Variants in ZFP14 observed in about 807,000 individuals in gnomAD.
The protein encoded by ZFP14 is zinc finger protein 14 homolog.
Under a neutral mutation model 54.5 loss-of-function variants are expected in ZFP14, and 22 were observed. The observed-to-expected ratio is 0.40, with a 90% CI of 0.29 to 0.58. The LOEUF (loss-of-function observed/expected upper bound fraction) is 0.58, where lower values mean the gene tolerates loss of function less well. ZFP14 is among the 20% of genes least tolerant of loss of function. The pLI is 0.39. For missense variants in ZFP14, 470 were observed against 637.8 expected (o/e 0.74, Z 2.83); for synonymous variants, 159 against 204.0 (o/e 0.78, Z 1.88).
chr19:36,356,261 T>C (rs1000812057), intron 4 of ZFP14, among the ~76,000 whole-genome samples: 4 of 151,732 alleles, frequency 2.6e-5, no homozygotes, highest in Admixed American at 6.6e-5. Flanking sequence ...ATGGTAAAAC[T>C]CCCTCTCTAC....
At chr19:36,370,034 T>C (rs534186372) in intron 1 of ZFP14, among the ~76,000 whole-genome samples, 4 of 152,228 alleles carry the variant, frequency 2.6e-5, no homozygotes, top group Admixed American at 1.3e-4. Context: ...TCTCAGAAGA[T>C]AGCAAAATAG....
Position 36,355,406 on chromosome 19 carries a change from A to G in ZFP14, c.235+5029T>C, listed in dbSNP as rs2145551443. ...TAAGAAGAAGAAGAGGGCCAGGTGC[A>G]GTGGCTCGCGCCTGTAATCCCAGCA... On this transcript the variant is annotated intron_variant, in intron 4 of 4. Coordinates refer to ENST00000270001, the MANE Select transcript of ZFP14 (RefSeq NM_020917.3). Among the ~76,000 whole-genome samples the G allele has an allele frequency of 1.4e-5, 2 of 143,032 alleles. 1 individual carries two copies. Among genetic ancestry groups the G allele is most frequent in the Non-Finnish European group, 3.1e-5 (2 of 64,396 alleles). The allele number at this position is 143,032 out of a possible 152,430, so 93.8% of individuals were successfully genotyped here.
intron 1 of ZFP14, among the ~76,000 whole-genome samples, chr19:36,372,674 A>G (rs1237491383): frequency 2.6e-5 from 4 of 152,192 alleles, no homozygotes; most frequent in Non-Finnish European, 5.9e-5. Flanking sequence ...TAGAACTACC[A>G]TATGATCTAG....
chr19:36,349,054 C>G (rs558574478), intron 4 of ZFP14, among the ~76,000 whole-genome samples: 5 of 150,758 alleles, frequency 3.3e-5, no homozygotes, highest in Non-Finnish European at 7.4e-5. Context: ...GTGGTGAAAC[C>G]CCATCTCTAC....
rs1364453014 is a variant in ZFP14 at position 36,352,716 on chromosome 19, C to T, written c.235+7719G>A. Reference sequence around the variant, plus strand: ...CAACACTTTGGGAGGCCGAGGCGGGCGGATCACAAGGCCAGGAGATCGAGA... The same window carrying T: ...CAACACTTTGGGAGGCCGAGGCGGGTGGATCACAAGGCCAGGAGATCGAGA... On this transcript the variant is annotated intron_variant, in intron 4 of 4. Coordinates refer to ENST00000270001, the MANE Select transcript of ZFP14 (RefSeq NM_020917.3). Among the ~76,000 whole-genome samples the T allele has an allele frequency of 2.1e-5, 3 of 141,884 alleles. 1 individual carries two copies. The highest frequency in any genetic ancestry group is 7.3e-5 in the Admixed American group (1 of 13,760). 93.1% of individuals were successfully genotyped at this position (141,884 alleles called of 152,430 possible).
At chr19:36,363,355 G>A (rs1418548364) in intron 2 of ZFP14, among the ~76,000 whole-genome samples, 1 of 151,556 alleles carries the variant, frequency 6.6e-6, no homozygotes, top group Non-Finnish European at 1.5e-5. Flanking sequence ...CACCACGCCC[G>A]GCTAATTTTT....
chr19:36,365,840 G>A (rs565232616), intron 2 of ZFP14, among the ~76,000 whole-genome samples: 58 of 151,994 alleles, frequency 3.8e-4, no homozygotes, highest in African/African-American at 1.3e-3. Flanking sequence ...CGTGCCTGTA[G>A]TCCCCAGTAC....
Position 36,360,377 on chromosome 19 carries a change from T to C in ZFP14, c.235+58A>G, listed in dbSNP as rs2031690007. On this transcript the variant is annotated intron_variant, in intron 4 of 4. Transcript: ENST00000270001. ...TCTCAAGGGTGTGCCTCCACCCTAA[T>C]CAGTTTAGCTATTACCTGCAGTAGT... 16 of 1,499,232 alleles carry C rather than the reference T, an allele frequency of 1.1e-5. No individual in the cohort carries two copies. The South Asian group carries it at 2.0e-4, about 19-fold the overall frequency. The allele number at this position is 1,499,232 out of a possible 1,614,324, so 92.9% of individuals were successfully genotyped here.
chr19:36,378,945 C>T (rs1344114601), intron 1 of ZFP14: 1 of 152,262 alleles, frequency 6.6e-6, no homozygotes, highest in Non-Finnish European at 1.5e-5. Context: ...TGTTTGGGGG[C>T]CTTCATTCAC....
chr19:36,360,282 A>T, intron 4 of ZFP14, 153 bp downstream of exon 4: 1 of 461,202 alleles, frequency 2.2e-6, no homozygotes, highest in East Asian at 3.3e-5. Context: ...GGCTTAAAAG[A>T]TCTTAATTTG....
rs2031189652 is a variant in ZFP14 at position 36,336,100 on chromosome 19, A to G, written c.*4124T>C. The G allele has an allele frequency of 6.6e-6, 1 of 152,048 alleles. No individual in the cohort carries two copies. The highest frequency in any genetic ancestry group is 6.6e-5 in the Admixed American group (1 of 15,248). 9.4% of individuals were successfully genotyped at this position (152,048 alleles called of 1,614,324 possible). A position where few individuals can be genotyped will look rare whatever the true frequency, so the allele number is the denominator to read the frequency against. ...CTAGAGTTGTGTCTCTTTTATCATC[A>G]TTAATACTCTAAATGTATTATCTTT... On this transcript the variant is annotated 3_prime_UTR_variant, in exon 5 of 5. Coordinates refer to ENST00000270001, the MANE Select transcript of ZFP14 (RefSeq NM_020917.3).
rs557539230 is a variant in ZFP14, at chr19:36,347,060, C to T, written c.236-5470G>A. ...AACTATCTAGACCCATCCTTATCAGCCTCATGTGACTTGCAGGCAAGGAGG... is the reference window on the plus strand; with the variant it reads ...AACTATCTAGACCCATCCTTATCAGTCTCATGTGACTTGCAGGCAAGGAGG... On this transcript the variant is annotated intron_variant, in intron 4 of 4. Coordinates refer to ENST00000270001, the MANE Select transcript of ZFP14 (RefSeq NM_020917.3). Among the ~76,000 whole-genome samples, 6 of 152,306 alleles carry T rather than the reference C, an allele frequency of 3.9e-5. No individual in the cohort carries two copies. The East Asian group carries it at 1.2e-3, about 29-fold the overall frequency.
intron 1 of ZFP14, among the ~76,000 whole-genome samples, chr19:36,377,745 C>G (rs1490628550): frequency 1.3e-5 from 2 of 151,834 alleles, no homozygotes; most frequent in Admixed American, 6.6e-5. Context: ...ACTTGGCAGG[C>G]TGAAGCAGGA....
Position 36,358,084 on chromosome 19 carries a change from CT to C in ZFP14, c.235+2350del, listed in dbSNP as rs1161967491. Among the ~76,000 whole-genome samples the C allele has an allele frequency of 9.6e-5, 14 of 146,464 alleles. No individual in the cohort carries two copies. In the East Asian group the frequency reaches 1.7e-3, roughly 17 times the overall value. ...TCTATCTATCTATCTATCTATCTATCTATCTATCATCTATCTATCTATCTAT... is the reference window on the plus strand; with the variant it reads ...TCTATCTATCTATCTATCTATCTATCATCTATCATCTATCTATCTATCTAT... On this transcript the variant is annotated intron_variant, in intron 4 of 4. Coordinates refer to ENST00000270001, the MANE Select transcript of ZFP14 (RefSeq NM_020917.3).
Position 36,367,966 on chromosome 19 carries a change from C to A in ZFP14, c.-74G>T. 1.3e-6 allele frequency: 2 copies of A among 1,512,524 alleles called. No individual in the cohort carries two copies. Among genetic ancestry groups the A allele is most frequent in the Admixed American group, 2.1e-5 (1 of 47,150 alleles). 93.7% of individuals were successfully genotyped at this position (1,512,524 alleles called of 1,614,324 possible). The stretch of plus-strand genomic sequence containing the variant: ...TGGAGAACTATGGAGTCCTGATAAG[C>A]CAGAGCTGAAAGAAGAAAAAGAAAC... On this transcript the variant is annotated 5_prime_UTR_variant, in exon 2 of 5. Transcript: ENST00000270001.
At chr19:36,370,134 G>A (rs1172274291) in intron 1 of ZFP14, among the ~76,000 whole-genome samples, 1 of 152,170 alleles carries the variant, frequency 6.6e-6, no homozygotes, top group East Asian at 1.9e-4. Flanking sequence ...AGGCAACCAG[G>A]TGAGAGATCG....
chr19:36,375,800 G>A, intron 1 of ZFP14, among the ~76,000 whole-genome samples: 1 of 151,810 alleles, frequency 6.6e-6, no homozygotes, highest in East Asian at 1.9e-4. Flanking sequence ...CTCGTGATCT[G>A]CCCGCCTCGG....
intron 2 of ZFP14, among the ~76,000 whole-genome samples, chr19:36,365,407 C>CA (rs1380467400): frequency 6.6e-6 from 1 of 152,070 alleles, no homozygotes; most frequent in Non-Finnish European, 1.5e-5. Flanking sequence ...ACTCATTTTA[C>CA]ACTAGACAAA....
Position 36,340,552 on chromosome 19 carries a change from T to G in ZFP14, c.1274A>C (p.Glu425Ala). 19 of 1,614,140 alleles carry G rather than the reference T, an allele frequency of 1.2e-5. No homozygotes were observed. Among genetic ancestry groups the G allele is most frequent in the Non-Finnish European group, 1.6e-5 (19 of 1,180,028 alleles). Residue 425 changes from glutamate to alanine, a missense_variant, in exon 5 of 5, where the codon GAA becomes GCA. Transcript: ENST00000270001. The surrounding 1 kb of genome is among the most constrained non-coding windows in gnomAD (Gnocchi z 5.4). ...QSIHIGERPY[E>A]CEECGKAFRL... The stretch of plus-strand genomic sequence containing the variant: ...AAAGGCCTTTCCACACTCTTCACAT[T>G]CATAGGGTCTCTCACCAATATGAAT...
Sources: allele counts gnomAD v4.1 joint callset (sites outside exome capture counted in the v4.1 genomes callset), GRCh38; gene constraint gnomAD v4.1.1; non-coding constraint Gnocchi (gnomAD v3.1); transcripts MANE v1.5; gene names NCBI Gene and HGNC (gene_info 2026-07-23, HGNC 2026-07-21).